Variants in LCN9 observed in about 807,000 individuals in gnomAD.
LCN9 encodes lipocalin 9, also known as epididymal-specific lipocalin-9.
In LCN9, 22 loss-of-function variants were observed where a neutral mutation model predicts 18.5. That is an observed-to-expected ratio of 1.19 (90% CI 0.85 to 1.70). LCN9 has a LOEUF of 1.70. LCN9 is among the 40% of genes most tolerant of loss of function. LCN9 has a pLI of 0.00. For synonymous variants in LCN9, 89 were observed against 83.0 expected (o/e 1.07, Z -0.39); for missense variants, 202 against 201.3 (o/e 1.00, Z -0.02).
chr9:135,665,748 C>A lies in LCN9; in HGVS notation c.*5C>A, dbSNP rs1446813113. ...CACAAAATATCATCGACTTGACCAA[C>A]AAAGGTCAGCCCCACTGCTCCCGGA... On this transcript the variant is annotated 3_prime_UTR_variant, in exon 5 of 6. Coordinates refer to ENST00000619315, the Ensembl canonical transcript of LCN9. This position sits in a 1 kb window ranked among gnomAD's most constrained non-coding sequence, Gnocchi z 5.9. The A allele has an allele frequency of 6.2e-7, 1 of 1,613,510 alleles. No individual in the cohort carries two copies. Among genetic ancestry groups the A allele is most frequent in the South Asian group, 1.1e-5 (1 of 90,966 alleles).
Position 135,664,928 on chromosome 9 carries a change from G to A in LCN9, c.307+133G>A, listed in dbSNP as rs1834190693. On this transcript the variant is annotated intron_variant, in intron 3 of 5. Transcript: ENST00000619315. This position sits in a 1 kb window ranked among gnomAD's most constrained non-coding sequence, Gnocchi z 4.5. ...CTGACAGCTTGACCCTGAACTGGAG[G>A]GACCCATCCTGGCACCTACCCAGGG... 1 of 982,908 alleles carries A rather than the reference G, an allele frequency of 1.0e-6. No homozygotes were observed. Among genetic ancestry groups the A allele is most frequent in the East Asian group, 2.6e-5 (1 of 38,266 alleles). 60.9% of individuals were successfully genotyped at this position (982,908 alleles called of 1,614,324 possible). A position where few individuals can be genotyped will look rare whatever the true frequency, so the allele number is the denominator to read the frequency against.
In LCN9 at chr9:135,665,498, C is replaced by T; in HGVS notation, c.418+143C>T. 1 of 825,656 alleles carries T rather than the reference C, an allele frequency of 1.2e-6. No individual in the cohort carries two copies. The highest frequency in any genetic ancestry group is 1.6e-5 in the South Asian group (1 of 62,476). 51.1% of individuals were successfully genotyped at this position (825,656 alleles called of 1,614,324 possible). A position where few individuals can be genotyped will look rare whatever the true frequency, so the allele number is the denominator to read the frequency against. On this transcript the variant is annotated intron_variant, in intron 4 of 5. Transcript: ENST00000619315. This position sits in a 1 kb window ranked among gnomAD's most constrained non-coding sequence, Gnocchi z 5.9. Reference sequence around the variant, plus strand: ...TTGGCTATTCCTTCCCACAGACACACCGTTAGGGTGCTGGGTGCTTCAATC... The same window carrying T: ...TTGGCTATTCCTTCCCACAGACACATCGTTAGGGTGCTGGGTGCTTCAATC...
Position 135,664,644 on chromosome 9 carries a change from G to T in LCN9, c.234-78G>T. On this transcript the variant is annotated intron_variant, in intron 2 of 5. Coordinates refer to ENST00000619315, the Ensembl canonical transcript of LCN9. The surrounding 1 kb of genome is among the most constrained non-coding windows in gnomAD (Gnocchi z 4.5). ...CATTGGGAGGGTGAGCCTGTGCCCT[G>T]GAGGAGGGGTGCTCTCTGCCATCGC... The T allele has an allele frequency of 7.7e-7, 1 of 1,300,674 alleles. No individual in the cohort carries two copies. 80.6% of individuals were successfully genotyped at this position (1,300,674 alleles called of 1,614,324 possible). A position where few individuals can be genotyped will look rare whatever the true frequency, so the allele number is the denominator to read the frequency against.
At chr9:135,666,301 T>C (rs986076045) in exon 6 of LCN9, 183 of 648,502 alleles carry the variant, frequency 2.8e-4, no homozygotes, top group Non-Finnish European at 2.5e-4. Context: ...TGCTGGGGGC[T>C]CCAGGCATCC....
In LCN9 at chr9:135,664,423, C is replaced by G. The variant is rs1047323930; in HGVS notation, c.233+125C>G. ...ACTTGCACTCTGGTGAGAGCCTGAG[C>G]CTGTGCGTGTGACCCTTGGGGGCAG... On this transcript the variant is annotated intron_variant, in intron 2 of 5. Coordinates refer to ENST00000619315, the Ensembl canonical transcript of LCN9. The surrounding 1 kb of genome is among the most constrained non-coding windows in gnomAD (Gnocchi z 4.5). 3.9e-6 allele frequency: 5 copies of G among 1,282,884 alleles called. No individual in the cohort carries two copies. The highest frequency in any genetic ancestry group is 5.5e-6 in the Non-Finnish European group (5 of 907,498). 79.5% of individuals were successfully genotyped at this position (1,282,884 alleles called of 1,614,324 possible).
chr9:135,663,547 T>G, intron 1 of LCN9, 130 bp downstream of exon 1: 1 of 482,678 alleles, frequency 2.1e-6, no homozygotes, highest in South Asian at 1.8e-5. Flanking sequence ...CCCCAAGCTG[T>G]GACAGCAGCC....
Position 135,664,103 on chromosome 9 carries a change from G to A in LCN9, c.97-59G>A, listed in dbSNP as rs540638717. Reference sequence around the variant, plus strand: ...GGCCCTGGGAGGGAAGACTGTGGGCGCTAAGCATCCCCAGGGCTGTCCCGC... The same window carrying A: ...GGCCCTGGGAGGGAAGACTGTGGGCACTAAGCATCCCCAGGGCTGTCCCGC... On this transcript the variant is annotated intron_variant, in intron 1 of 5. Transcript: ENST00000619315. The surrounding 1 kb of genome is among the most constrained non-coding windows in gnomAD (Gnocchi z 4.5). 165 of 1,589,502 alleles carry A rather than the reference G, an allele frequency of 1.0e-4. No homozygotes were observed. The highest frequency in any genetic ancestry group is 1.2e-4 in the South Asian group (11 of 89,032).
At chr9:135,666,061 C>T in exon 6 of LCN9, 1 of 1,599,578 alleles carries the variant, frequency 6.3e-7, no homozygotes, top group Non-Finnish European at 8.5e-7. Flanking sequence ...CTGTGAAAAG[C>T]ATCCTGGAGT....
At position 135,664,668 on chromosome 9, in the gene LCN9, G is replaced by A. The variant is rs368235581; in HGVS notation, c.234-54G>A. 3.6e-5 allele frequency: 53 copies of A among 1,469,126 alleles called. 1 individual carries two copies. The highest frequency in any genetic ancestry group is 2.0e-4 in the East Asian group (8 of 40,344). The allele number at this position is 1,469,126 out of a possible 1,614,324, so 91.0% of individuals were successfully genotyped here. On this transcript the variant is annotated intron_variant, in intron 2 of 5. Coordinates refer to ENST00000619315, the Ensembl canonical transcript of LCN9. This position sits in a 1 kb window ranked among gnomAD's most constrained non-coding sequence, Gnocchi z 4.5. ...TGGAGGAGGGGTGCTCTCTGCCATC[G>A]CACGTCCAGGGGGCTGGAGCTCCAC...
In LCN9 at chr9:135,665,333, G is replaced by A; in HGVS notation, c.396G>A (p.Glu132=). The change falls in exon 4 of 6, where the codon GAG becomes GAA. Residue 132 remains glutamate (E), a synonymous_variant. Transcript: ENST00000619315. This position sits in a 1 kb window ranked among gnomAD's most constrained non-coding sequence, Gnocchi z 5.9. ...TCCAGAACTTCAGGAACGGGACCGA[G>A]ACCCACACGCTGGCGCTCTATGGTA... The A allele has an allele frequency of 6.2e-7, 1 of 1,604,290 alleles. No individual in the cohort carries two copies. The highest frequency in any genetic ancestry group is 8.5e-7 in the Non-Finnish European group (1 of 1,175,710).
In LCN9 at chr9:135,665,704, G is replaced by A. The variant is rs554738548; in HGVS notation, c.435G>A (p.Ala145=). The A allele has an allele frequency of 6.8e-5, 110 of 1,613,238 alleles. No homozygotes were observed. In the Admixed American group the frequency reaches 1.5e-3, roughly 22 times the overall value. The change falls in exon 5 of 6, where the codon GCG becomes GCA. Residue 145 remains alanine, a synonymous_variant. Transcript: ENST00000619315. This position sits in a 1 kb window ranked among gnomAD's most constrained non-coding sequence, Gnocchi z 5.9. ...CCTGAGCAGATTTGAAGAAACCTGC[G>A]AAAAGTACGGACTTGGCTCACAAAA...
At position 135,665,825 on chromosome 9, in the gene LCN9, C is replaced by T. The variant is rs763196538; in HGVS notation, c.*10-36C>T. On this transcript the variant is annotated intron_variant, in intron 5 of 5. Coordinates refer to ENST00000619315, the Ensembl canonical transcript of LCN9. The surrounding 1 kb of genome is among the most constrained non-coding windows in gnomAD (Gnocchi z 5.9). ...GATGGGAGGTGTGCCTGCGGGGTCCCTGTCCCTGCGCTGAGAGCCCCCTCT... is the reference window on the plus strand; with the variant it reads ...GATGGGAGGTGTGCCTGCGGGGTCCTTGTCCCTGCGCTGAGAGCCCCCTCT... 5.0e-6 allele frequency: 8 copies of T among 1,612,020 alleles called. No homozygotes were observed. The African/African-American group carries it at 1.1e-4, about 22-fold the overall frequency.
In LCN9 at chr9:135,665,348, G is replaced by A. The variant is rs61742118; in HGVS notation, c.411G>A (p.Ala137=). The A allele has an allele frequency of 1.5e-4, 237 of 1,595,838 alleles. No individual in the cohort carries two copies. The highest frequency in any genetic ancestry group is 1.9e-4 in the Non-Finnish European group (221 of 1,171,314). The stretch of plus-strand genomic sequence containing the variant: ...ACGGGACCGAGACCCACACGCTGGC[G>A]CTCTATGGTACCTCCGCTGTCCCCC... The change falls in exon 4 of 6, where the codon GCG becomes GCA. Residue 137 remains alanine (A), a synonymous_variant. Coordinates refer to ENST00000619315, the Ensembl canonical transcript of LCN9. This position sits in a 1 kb window ranked among gnomAD's most constrained non-coding sequence, Gnocchi z 5.9.
At position 135,664,341 on chromosome 9, in the gene LCN9, C is replaced by T. The variant is rs1381440196; in HGVS notation, c.233+43C>T. 7 of 1,610,940 alleles carry T rather than the reference C, an allele frequency of 4.3e-6. No individual in the cohort carries two copies. Among genetic ancestry groups the T allele is most frequent in the African/African-American group, 2.7e-5 (2 of 74,960 alleles). ...CAGCTGGCATCAGGAAGACCCATGC[C>T]CCTGCCACCCCAACGCATACTCTCA... On this transcript the variant is annotated intron_variant, in intron 2 of 5. Coordinates refer to ENST00000619315, the Ensembl canonical transcript of LCN9. The surrounding 1 kb of genome is among the most constrained non-coding windows in gnomAD (Gnocchi z 4.5).
In LCN9 at chr9:135,665,367, G is replaced by A. The variant is rs762427566; in HGVS notation, c.418+12G>A. The A allele has an allele frequency of 6.3e-7, 1 of 1,575,256 alleles. No individual in the cohort carries two copies. Among genetic ancestry groups the A allele is most frequent in the East Asian group, 2.3e-5 (1 of 42,810 alleles). ...GCTGGCGCTCTATGGTACCTCCGCT[G>A]TCCCCCTCTGACCCCCTCGGGGACC... On this transcript the variant is annotated intron_variant, in intron 4 of 5. Transcript: ENST00000619315. This position sits in a 1 kb window ranked among gnomAD's most constrained non-coding sequence, Gnocchi z 5.9.
Position 135,665,837 on chromosome 9 carries a change from T to A in LCN9, c.*10-24T>A. 2 of 1,612,474 alleles carry A rather than the reference T, an allele frequency of 1.2e-6. No individual in the cohort carries two copies. The highest frequency in any genetic ancestry group is 1.7e-6 in the Non-Finnish European group (2 of 1,179,300). ...GCCTGCGGGGTCCCTGTCCCTGCGC[T>A]GAGAGCCCCCTCTGTCCTTCCAGAT... On this transcript the variant is annotated intron_variant, in intron 5 of 5. Coordinates refer to ENST00000619315, the Ensembl canonical transcript of LCN9. This position sits in a 1 kb window ranked among gnomAD's most constrained non-coding sequence, Gnocchi z 5.9.
In LCN9 at chr9:135,665,638, ACT is replaced by A; in HGVS notation, c.419-47_419-46del. On this transcript the variant is annotated intron_variant, in intron 4 of 5. Transcript: ENST00000619315. The surrounding 1 kb of genome is among the most constrained non-coding windows in gnomAD (Gnocchi z 5.9). Reference sequence around the variant, plus strand: ...CAAGGCCCAGCTTCACACAGAACCAACTCTGTTCCCAGCACGGGTCCCATAGC... The same window carrying A: ...CAAGGCCCAGCTTCACACAGAACCAACTGTTCCCAGCACGGGTCCCATAGC... The A allele has an allele frequency of 4.5e-6, 7 of 1,566,716 alleles. No homozygotes were observed. The highest frequency in any genetic ancestry group is 6.1e-6 in the Non-Finnish European group (7 of 1,148,702).
At chr9:135,663,952 G>A (rs1834168930) in intron 1 of LCN9, among the ~76,000 whole-genome samples, 1 of 142,482 alleles carries the variant, frequency 7.0e-6, no homozygotes, top group Non-Finnish European at 1.5e-5. Flanking sequence ...CCCTGGAAGG[G>A]CGGAGGGCAT....
rs1834207256 is a variant in LCN9, at chr9:135,665,699, C to T, written c.430C>T (p.Pro144Ser). 1 of 1,613,108 alleles carries T rather than the reference C, an allele frequency of 6.2e-7. No homozygotes were observed. The highest frequency in any genetic ancestry group is 8.5e-7 in the Non-Finnish European group (1 of 1,179,586). The change falls in exon 5 of 6, where the codon CCT becomes TCT. Residue 144 changes from proline to serine, a missense_variant. Pro to Ser is a moderately conservative substitution (Grantham distance 74). Transcript: ENST00000619315. This position sits in a 1 kb window ranked among gnomAD's most constrained non-coding sequence, Gnocchi z 5.9. ...TCCTTCCTGAGCAGATTTGAAGAAA[C>T]CTGCGAAAAGTACGGACTTGGCTCA... is the stretch of plus-strand genomic sequence containing the variant.
Sources: gnomAD v4.1 joint callset for allele counts (sites outside exome capture counted in the v4.1 genomes callset) on GRCh38, gnomAD v4.1.1 for gene constraint, Gnocchi (gnomAD v3.1) non-coding constraint, MANE v1.5 for transcripts, NCBI Gene and HGNC (gene_info 2026-07-23, HGNC 2026-07-21) for gene names.